Variants in ZNF721 observed in about 807,000 individuals in gnomAD.
ZNF721 encodes the protein zinc finger protein 721.
ZNF721 carries 2 observed loss-of-function variants against 2.4 expected under a neutral mutation model. The ratio of observed to expected loss-of-function variants is 0.82; its 90% CI spans 0.34 to 2.58. The LOEUF (loss-of-function observed/expected upper bound fraction) is 2.58. ZNF721 is among the 30% of genes most tolerant of loss of function. The pLI is 0.11. For synonymous variants in ZNF721, 398 were observed against 381.8 expected, an observed-to-expected ratio of 1.04 and a Z score of -0.50; for missense variants, 1,187 against 1,085.5, an observed-to-expected ratio of 1.09 and a Z score of -1.31.
chr4:464,923 C>CA lies in ZNF721; in HGVS notation c.34+7651dup, dbSNP rs1241774932. ...TGAAACCCTGTCTCTACTAAAAATA[C>CA]AAAAAAAAAAAATTGGCCAGGTGTG... On this transcript the variant is annotated intron_variant, in intron 2 of 2. Coordinates refer to ENST00000511833, the MANE Select transcript of ZNF721 (RefSeq NM_133474.4). 6.8e-3 allele frequency among the ~76,000 whole-genome samples: 946 copies of CA among 138,848 alleles called. 3 individuals are homozygous for CA. The highest frequency in any genetic ancestry group is 9.5e-3 in the Non-Finnish European group (600 of 63,442). 91.1% of individuals were successfully genotyped at this position (138,848 alleles called of 152,430 possible). A position where few individuals can be genotyped will look rare whatever the true frequency, so the allele number is the denominator to read the frequency against.
intron 2 of ZNF721, among the ~76,000 whole-genome samples, chr4:448,698 C>G (rs1163775049): frequency 6.6e-6 from 1 of 152,042 alleles, no homozygotes; most frequent in Non-Finnish European, 1.5e-5. Context: ...AAAACACATA[C>G]AAAGCTAAAG....
At chr4:498,347 G>A (rs2108731209) in intron 1 of ZNF721, among the ~76,000 whole-genome samples, 1 of 151,626 alleles carries the variant, frequency 6.6e-6, no homozygotes, top group African/African-American at 2.4e-5. Context: ...CTGGGTTTCT[G>A]ATAAGCCTCT....
chr4:477,367 AGCT>A (rs1553868803), intron 1 of ZNF721, among the ~76,000 whole-genome samples: 1 of 146,616 alleles, frequency 6.8e-6, no homozygotes, highest in Non-Finnish European at 1.5e-5. Context: ...CCTCCCAAGT[AGCT>A]GGGACTACAG....
At chr4:455,486 G>A (rs781813547) in intron 2 of ZNF721, among the ~76,000 whole-genome samples, 2 of 152,176 alleles carry the variant, frequency 1.3e-5, no homozygotes, top group Admixed American at 1.3e-4. Context: ...AGAATCGTTT[G>A]AATCTGGGAG....
intron 1 of ZNF721, among the ~76,000 whole-genome samples, chr4:493,939 C>G (rs899623310): frequency 1.3e-5 from 2 of 152,136 alleles, no homozygotes; most frequent in Non-Finnish European, 2.9e-5. Flanking sequence ...ATTCTTAAGA[C>G]ATTTCTAATA....
chr4:473,988 C>T, intron 1 of ZNF721: 7 of 1,506,974 alleles, frequency 4.6e-6, no homozygotes, highest in African/African-American at 1.4e-5. Flanking sequence ...CACCATTTCT[C>T]AGCTTCAAGG....
Position 441,907 on chromosome 4 carries a change from C to T in ZNF721, c.2560G>A (p.Val854Ile), listed in dbSNP as rs879952992. ...KAFRQSAILY[V>I]HRRIHTGEKP... ...TCTCCAGTATGAATTCTCCTATGTA[C>T]ATAAAGGATTGCTGACTGTCTAAAG... The change falls in exon 3 of 3, where the codon GTA becomes ATA. Residue 854 changes from valine (V) to isoleucine (I), a missense_variant. Transcript: ENST00000511833. 7.4e-6 allele frequency: 12 copies of T among 1,613,446 alleles called. No individual in the cohort carries two copies. Among genetic ancestry groups the T allele is most frequent in the Admixed American group, 3.3e-5 (2 of 59,954 alleles).
At chr4:458,437 T>C (rs1714911490) in intron 2 of ZNF721, among the ~76,000 whole-genome samples, 1 of 152,102 alleles carries the variant, frequency 6.6e-6, no homozygotes, top group Admixed American at 6.5e-5. Context: ...CTGAAAGAGG[T>C]ATTTACTCCT....
chr4:456,758 A>T (rs1714861651), intron 2 of ZNF721, among the ~76,000 whole-genome samples: 1 of 152,194 alleles, frequency 6.6e-6, no homozygotes, highest in South Asian at 2.1e-4. Context: ...ACACGCCTGT[A>T]GTACCAGCTA....
intron 1 of ZNF721, among the ~76,000 whole-genome samples, chr4:481,890 C>A (rs1354702321): frequency 1.3e-5 from 2 of 152,150 alleles, no homozygotes; most frequent in Non-Finnish European, 2.9e-5. Context: ...GACACGCATA[C>A]GCTGCCTAAT....
rs376247719 is a variant in ZNF721 at position 441,822 on chromosome 4, G to A, written c.2645C>T (p.Ala882Val). ...KTFRQSANLY[A>V]HKKIHTGEKP... ...CTCTCCAGTATGAATTTTCTTATGC[G>A]CATAAAGATTTGCAGACTGTCTAAA... The change falls in exon 3 of 3, where the codon GCG (alanine) becomes GTG (valine). Residue 882 changes from alanine (A) to valine (V), a missense_variant. Physicochemically the swap from Ala to Val is moderately conservative, Grantham distance 64 (BLOSUM62 0). Transcript: ENST00000511833. The A allele has an allele frequency of 1.1e-4, 178 of 1,613,014 alleles. 1 individual carries two copies. The highest frequency in any genetic ancestry group is 1.4e-4 in the Non-Finnish European group (167 of 1,179,814).
chr4:478,833 G>A (rs1553868997), intron 1 of ZNF721, among the ~76,000 whole-genome samples: 2 of 149,876 alleles, frequency 1.3e-5, no homozygotes, highest in East Asian at 2.0e-4. Flanking sequence ...GCAGTGGCAC[G>A]ATCTCAGCTC....
intron 2 of ZNF721, among the ~76,000 whole-genome samples, chr4:467,959 AC>A (rs1422903540): frequency 6.6e-6 from 1 of 150,574 alleles, no homozygotes; most frequent in Non-Finnish European, 1.5e-5. Flanking sequence ...ACACAGTGAA[AC>A]CCCGTCTCTA....
intron 2 of ZNF721, among the ~76,000 whole-genome samples, chr4:470,265 T>C (rs1245652411): frequency 1.3e-5 from 2 of 152,144 alleles, no homozygotes; most frequent in Non-Finnish European, 2.9e-5. Flanking sequence ...TTAGAACTCC[T>C]GAACAAAACA....
At chr4:496,889 T>C (rs201927421) in intron 1 of ZNF721, among the ~76,000 whole-genome samples, 1 of 151,244 alleles carries the variant, frequency 6.6e-6, no homozygotes, top group Non-Finnish European at 1.5e-5. Flanking sequence ...ATTTTTTGTA[T>C]TTTTAGTAGA....
Position 442,620 on chromosome 4 carries a change from T to A in ZNF721, c.1847A>T (p.Glu616Val). ...IHTGEKLYKC[E>V]ECGKDFVWYT... ...CCATACAAAGTCTTTGCCACACTCT[T>A]CACATTTGTAAAGTTTCTCTCCAGT... is the stretch of plus-strand genomic sequence containing the variant. Residue 616 changes from glutamate to valine, a missense_variant, in exon 3 of 3, where the codon GAA becomes GTA. Transcript: ENST00000511833. 1 of 1,613,896 alleles carries A rather than the reference T, an allele frequency of 6.2e-7. No homozygotes were observed. Among genetic ancestry groups the A allele is most frequent in the Non-Finnish European group, 8.5e-7 (1 of 1,179,896 alleles).
chr4:468,353 C>G (rs939590117), intron 2 of ZNF721, among the ~76,000 whole-genome samples: 10 of 151,936 alleles, frequency 6.6e-5, no homozygotes, highest in Admixed American at 1.3e-4. Context: ...TCGCTTGAAC[C>G]TGGGAGGCGG....
At chr4:458,338 C>G (rs1405415472) in intron 2 of ZNF721, among the ~76,000 whole-genome samples, 1 of 152,162 alleles carries the variant, frequency 6.6e-6, no homozygotes, top group Non-Finnish European at 1.5e-5. Flanking sequence ...TGACCTGGAT[C>G]TGAAACACTT....
chr4:452,594 G>A (rs879999586), intron 2 of ZNF721, among the ~76,000 whole-genome samples: 2 of 152,178 alleles, frequency 1.3e-5, no homozygotes, highest in Non-Finnish European at 2.9e-5. Flanking sequence ...TGGCCCATAC[G>A]AAACAGGCCA....
Sources: allele counts gnomAD v4.1 joint callset (sites outside exome capture counted in the v4.1 genomes callset), GRCh38; gene constraint gnomAD v4.1.1; transcripts MANE v1.5; gene names NCBI Gene and HGNC (gene_info 2026-07-23, HGNC 2026-07-21).